Variants in NELL2 observed in about 807,000 individuals in gnomAD.
The protein encoded by NELL2 is protein kinase C-binding protein NELL2.
Under a neutral mutation model 109.6 loss-of-function variants are expected in NELL2, and 41 were observed. The ratio of observed to expected loss-of-function variants is 0.37; its 90% confidence interval spans 0.29 to 0.49. The LOEUF (loss-of-function observed/expected upper bound fraction) is 0.49. Among genes scored for constraint, NELL2 ranks in the 20% least tolerant of loss-of-function variants. NELL2 has a pLI of 0.98. For synonymous variants in NELL2, 355 were observed against 344.7 expected, an observed-to-expected ratio of 1.03 and a Z score of -0.33; for missense variants, 900 against 1,008.3, an observed-to-expected ratio of 0.89 and a Z score of 1.45.
rs888553492 is a variant in NELL2 at position 44,774,956 on chromosome 12, G to A, written c.892-107C>T. The A allele has an allele frequency of 8.9e-6, 7 of 787,400 alleles. No individual in the cohort carries two copies. In the African/African-American group the frequency reaches 1.1e-4, roughly 12 times the overall value. The allele number at this position is 787,400 out of a possible 1,614,324, so 48.8% of individuals were successfully genotyped here. A position where few individuals can be genotyped will look rare whatever the true frequency, so the allele number is the denominator to read the frequency against. ...TTAAACTCTTCATGTGAAGAGAACAGAACAGGCCATTCATTGCCAGGAGGG... is the reference window on the plus strand; with the variant it reads ...TTAAACTCTTCATGTGAAGAGAACAAAACAGGCCATTCATTGCCAGGAGGG... On this transcript the variant is annotated intron_variant, in intron 8 of 19. Coordinates refer to ENST00000429094, the MANE Select transcript of NELL2 (RefSeq NM_001145108.2).
chr12:44,731,810 T>G (rs1229947105), intron 9 of NELL2, among the ~76,000 whole-genome samples: 1 of 152,044 alleles, frequency 6.6e-6, no homozygotes, highest in East Asian at 1.9e-4. Flanking sequence ...AAATTATCTT[T>G]GTTGGCAGAT....
chr12:44,891,708 C>A lies in NELL2; in HGVS notation c.39-15808G>T, dbSNP rs575352286. 1.2e-4 allele frequency among the ~76,000 whole-genome samples: 18 copies of A among 152,144 alleles called. No individual in the cohort carries two copies. In the South Asian group the frequency reaches 3.7e-3, roughly 32 times the overall value. Reference sequence around the variant, plus strand: ...TAGACTGAAAGCTCTACTGTAAGAACAGAGCTTGAGTCTACCTTAGTCATA... The same window carrying A: ...TAGACTGAAAGCTCTACTGTAAGAAAAGAGCTTGAGTCTACCTTAGTCATA... On this transcript the variant is annotated intron_variant, in intron 1 of 20. Transcript: ENST00000333837.
intron 2 of NELL2, among the ~76,000 whole-genome samples, chr12:44,841,932 A>T (rs1269076051): frequency 6.6e-6 from 1 of 152,072 alleles, no homozygotes; most frequent in Non-Finnish European, 1.5e-5. Flanking sequence ...ATCTTCCAGT[A>T]AAATGGCTGC....
chr12:44,558,091 C>T (rs1456138899), intron 15 of NELL2, among the ~76,000 whole-genome samples: 1 of 151,992 alleles, frequency 6.6e-6, no homozygotes, highest in Non-Finnish European at 1.5e-5. Flanking sequence ...AAGGAGAGGG[C>T]TACGTTGGTA....
chr12:44,787,497 T>C (rs557935897), intron 3 of NELL2, among the ~76,000 whole-genome samples: 31 of 152,260 alleles, frequency 2.0e-4, no homozygotes, highest in South Asian at 1.0e-3. Context: ...CAAATCAGAA[T>C]AGCTGAAATA....
intron 2 of NELL2, among the ~76,000 whole-genome samples, chr12:44,826,082 G>T (rs902994014): frequency 2.0e-5 from 3 of 152,000 alleles, no homozygotes; most frequent in African/African-American, 7.2e-5. Flanking sequence ...AAATTTGTGT[G>T]TTAGTAGTAA....
At chr12:44,611,210 G>C (rs1009785845) in intron 13 of NELL2, among the ~76,000 whole-genome samples, 1 of 152,048 alleles carries the variant, frequency 6.6e-6, no homozygotes, top group Non-Finnish European at 1.5e-5. Context: ...ACCAACGGTT[G>C]CAAGAAATAG....
intron 13 of NELL2, among the ~76,000 whole-genome samples, chr12:44,627,919 T>G (rs1245825721): frequency 6.6e-6 from 1 of 152,198 alleles, no homozygotes; most frequent in Non-Finnish European, 1.5e-5. Context: ...TAAAATGTAT[T>G]CCTGGAAACC....
intron 2 of NELL2, among the ~76,000 whole-genome samples, chr12:44,844,463 A>C (rs765151337): frequency 6.6e-6 from 1 of 152,230 alleles, no homozygotes; most frequent in Non-Finnish European, 1.5e-5. Context: ...CTCTGATGCC[A>C]TTTAGACAAA....
intron 15 of NELL2, among the ~76,000 whole-genome samples, chr12:44,546,923 T>C (rs1378959777): frequency 6.6e-6 from 1 of 152,196 alleles, no homozygotes; most frequent in Non-Finnish European, 1.5e-5. Context: ...TAACTGACAG[T>C]TGTTTGGCTG....
In NELL2 at chr12:44,541,111, T is replaced by A. The variant is rs183616620; in HGVS notation, c.1664-8390A>T. Among the ~76,000 whole-genome samples, 895 of 148,506 alleles carry A rather than the reference T, an allele frequency of 6.0e-3. 4 individuals are homozygous for A. The highest frequency in any genetic ancestry group is 0.021 in the African/African-American group (833 of 40,438). On this transcript the variant is annotated intron_variant, in intron 15 of 19. Coordinates refer to ENST00000429094, the MANE Select transcript of NELL2 (RefSeq NM_001145108.2). ...AAAAGTAGAAAAAAAATTAGCCAGG[T>A]GTGGTGGTGGCTGCCTGTAGTCCCA...
intron 10 of NELL2, 54 bp downstream of exon 10, chr12:44,714,596 T>A (rs1938384857): frequency 1.8e-6 from 2 of 1,135,514 alleles, no homozygotes; most frequent in Admixed American, 5.2e-5. Context: ...AAGAAACTTT[T>A]ATCTTGTTTA....
At chr12:44,596,860 C>G (rs545594760) in intron 15 of NELL2, among the ~76,000 whole-genome samples, 2 of 152,190 alleles carry the variant, frequency 1.3e-5, no homozygotes, top group Non-Finnish European at 2.9e-5. Flanking sequence ...AGCCATCCTC[C>G]AAGCCTACTT....
At chr12:44,610,492 A>T (rs1467590466) in intron 14 of NELL2, among the ~76,000 whole-genome samples, 1 of 152,074 alleles carries the variant, frequency 6.6e-6, no homozygotes. Context: ...GGAACTTGGG[A>T]TTAGACAATA....
At chr12:44,877,910 A>G (rs1945366027), upstream of NELL2, among the ~76,000 whole-genome samples, 1 of 152,230 alleles carries the variant, frequency 6.6e-6, no homozygotes, top group Non-Finnish European at 1.5e-5. Context: ...TTAATTAATC[A>G]ATGAAAAGAA....
At chr12:44,601,376 T>C (rs892966770) in intron 15 of NELL2, among the ~76,000 whole-genome samples, 2 of 152,178 alleles carry the variant, frequency 1.3e-5, no homozygotes, top group South Asian at 2.1e-4. Context: ...TTGAATAATA[T>C]AAAGATTTAT....
At chr12:44,871,980 T>A (rs181308131) in intron 2 of NELL2, among the ~76,000 whole-genome samples, 1 of 152,286 alleles carries the variant, frequency 6.6e-6, no homozygotes, top group Admixed American at 6.5e-5. Flanking sequence ...CTGGCCAGAT[T>A]AATTGTTAAA....
In NELL2 at chr12:44,791,108, T is replaced by TATAC. The variant is rs1491303180; in HGVS notation, c.336-11087_336-11086insGTAT. On this transcript the variant is annotated intron_variant, in intron 3 of 19. Coordinates refer to ENST00000429094, the MANE Select transcript of NELL2 (RefSeq NM_001145108.2). ...ATATATATATATATGTATATATATA[T>TATAC]GTATATATATATGTATATATATATA... Among the ~76,000 whole-genome samples the TATAC allele has an allele frequency of 4.5e-3, 84 of 18,790 alleles. 6 individuals carry two copies. The highest frequency in any genetic ancestry group is 0.014 in the African/African-American group (56 of 3,994). 12.3% of individuals were successfully genotyped at this position (18,790 alleles called of 152,430 possible).
intron 15 of NELL2, among the ~76,000 whole-genome samples, chr12:44,582,318 G>A (rs976907465): frequency 1.3e-5 from 2 of 152,120 alleles, no homozygotes; most frequent in African/African-American, 4.8e-5. Context: ...GCCACAATCA[G>A]CTGCTCAGGA....
Sources: gnomAD v4.1 joint callset for allele counts (sites outside exome capture counted in the v4.1 genomes callset) on GRCh38, gnomAD v4.1.1 for gene constraint, MANE v1.5 for transcripts, NCBI Gene and HGNC (gene_info 2026-07-23, HGNC 2026-07-21) for gene names.